The following DPYSL5 variants were observed in gnomAD, a reference collection of about 807,000 sequenced individuals.
The protein encoded by DPYSL5 is dihydropyrimidinase like 5.
Under a neutral mutation model 58.4 loss-of-function variants are expected in DPYSL5, and 9 were observed. The observed-to-expected ratio is 0.15, with a 90% CI of 0.09 to 0.27. The LOEUF is 0.27. Among genes scored for constraint, DPYSL5 ranks in the 10% least tolerant of loss-of-function variants. The probability of loss-of-function intolerance (pLI) is 1.00; values close to 1 mark genes in which losing one functional copy is unlikely to be tolerated. For synonymous variants in DPYSL5, 293 were observed against 301.9 expected, an observed-to-expected ratio of 0.97 and a Z score of 0.31; for missense variants, 499 against 770.6, an observed-to-expected ratio of 0.65 and a Z score of 4.17.
At chr2:26,902,272 T>A (rs895349094) in intron 2 of DPYSL5, among the ~76,000 whole-genome samples, 1 of 151,866 alleles carries the variant, frequency 6.6e-6, no homozygotes, top group African/African-American at 2.4e-5. Context: ...TTATTCTGCT[T>A]AAGTAGATGT....
At chr2:26,875,008 ATGT>A (rs1366607631) in intron 1 of DPYSL5, among the ~76,000 whole-genome samples, 4 of 152,218 alleles carry the variant, frequency 2.6e-5, no homozygotes, top group African/African-American at 9.6e-5. Flanking sequence ...TCTTTCAACA[ATGT>A]TGTAGAGTTT....
At position 26,947,104 on chromosome 2, in the gene DPYSL5, A is replaced by T. The variant is rs1665510076; in HGVS notation, c.*109A>T. 3.0e-6 allele frequency: 3 copies of T among 992,282 alleles called. No individual in the cohort carries two copies. The highest frequency in any genetic ancestry group is 4.5e-6 in the Non-Finnish European group (3 of 660,140). 61.5% of individuals were successfully genotyped at this position (992,282 alleles called of 1,614,324 possible). On this transcript the variant is annotated 3_prime_UTR_variant, in exon 13 of 13. Coordinates refer to ENST00000288699, the MANE Select transcript of DPYSL5 (RefSeq NM_020134.4). The surrounding 1 kb of genome is among the most constrained non-coding windows in gnomAD (Gnocchi z 4.2). ...GCTGGGCTGGGTGGCACACCACCCG[A>T]GGGGGGCCCCGGGACCCACGGAGCC...
chr2:26,895,592 C>CAT (rs1319215285), intron 1 of DPYSL5, among the ~76,000 whole-genome samples: 1 of 151,928 alleles, frequency 6.6e-6, no homozygotes, highest in Non-Finnish European at 1.5e-5. Context: ...ACTTGATAGC[C>CAT]ATACTCAAAG....
At chr2:26,876,552 G>A (rs541019152) in intron 1 of DPYSL5, among the ~76,000 whole-genome samples, 53 of 152,202 alleles carry the variant, frequency 3.5e-4, no homozygotes, top group African/African-American at 1.1e-3. Flanking sequence ...AGTTTTGCTC[G>A]TCACCCAGGC....
intron 2 of DPYSL5, among the ~76,000 whole-genome samples, chr2:26,900,989 A>G (rs1214596288): frequency 6.6e-6 from 1 of 152,140 alleles, no homozygotes; most frequent in East Asian, 1.9e-4. Context: ...AGCTCTTTAC[A>G]GCTGATGAAG....
chr2:26,941,805 G>A, intron 9 of DPYSL5, 145 bp from the exon 10 acceptor site: 4 of 1,086,510 alleles, frequency 3.7e-6, no homozygotes, highest in Non-Finnish European at 5.3e-6. Context: ...TGGCTCATCT[G>A]AGATGGTGCT....
rs1665539204 is a variant in DPYSL5 at position 26,948,133 on chromosome 2, C to G, written c.*1138C>G. ...CACGCACGGCTTCCTATAACTTCTT[C>G]CTGCTGGACAGAGACTCAGCGCTCC... On this transcript the variant is annotated 3_prime_UTR_variant, in exon 13 of 13. Transcript: ENST00000288699. 3 of 151,472 alleles carry G rather than the reference C, an allele frequency of 2.0e-5. No homozygotes were observed. The highest frequency in any genetic ancestry group is 7.5e-5 in the African/African-American group (3 of 39,758). The allele number at this position is 151,472 out of a possible 1,614,324, so 9.4% of individuals were successfully genotyped here. A position where few individuals can be genotyped will look rare whatever the true frequency, so the allele number is the denominator to read the frequency against.
At chr2:26,888,255 T>TTCTGTCTG (rs1553316478) in intron 1 of DPYSL5, among the ~76,000 whole-genome samples, 2 of 108,188 alleles carry the variant, frequency 1.8e-5, no homozygotes, top group African/African-American at 9.2e-5. Context: ...CTTTCTTTCT[T>TTCTGTCTG]TCTTTCTTTC....
At chr2:26,855,143 G>A (rs1445802900) in intron 1 of DPYSL5, among the ~76,000 whole-genome samples, 3 of 151,266 alleles carry the variant, frequency 2.0e-5, no homozygotes, top group African/African-American at 7.3e-5. Context: ...AAATCATCTG[G>A]CCCATGCTGG....
intron 1 of DPYSL5, among the ~76,000 whole-genome samples, chr2:26,884,050 T>G (rs1487875518): frequency 6.6e-6 from 1 of 152,180 alleles, no homozygotes; most frequent in Non-Finnish European, 1.5e-5. Context: ...ACCCTTGAGC[T>G]GCAGCTGCCA....
intron 1 of DPYSL5, among the ~76,000 whole-genome samples, chr2:26,868,315 C>T (rs1292289183): frequency 6.6e-6 from 1 of 151,998 alleles, no homozygotes; most frequent in South Asian, 2.1e-4. Flanking sequence ...TCTTTCATTT[C>T]TTGATAAAAA....
chr2:26,923,340 C>T (rs1286765796), intron 2 of DPYSL5, among the ~76,000 whole-genome samples: 1 of 152,144 alleles, frequency 6.6e-6, no homozygotes, highest in Non-Finnish European at 1.5e-5. Flanking sequence ...CAAACAAAAA[C>T]AAAAACCTAA....
At chr2:26,935,566 G>A (rs1221978661) in intron 8 of DPYSL5, among the ~76,000 whole-genome samples, 3 of 151,832 alleles carry the variant, frequency 2.0e-5, no homozygotes, top group African/African-American at 7.3e-5. Context: ...GTGTGTGCCT[G>A]TAATCCCAGC....
At chr2:26,864,987 C>T (rs909417719) in intron 1 of DPYSL5, among the ~76,000 whole-genome samples, 1 of 152,170 alleles carries the variant, frequency 6.6e-6, no homozygotes, top group African/African-American at 2.4e-5. Flanking sequence ...TCACAGACCC[C>T]CTCGTTGCCC....
intron 2 of DPYSL5, among the ~76,000 whole-genome samples, chr2:26,901,475 C>T (rs769542006): frequency 2.6e-5 from 4 of 152,038 alleles, no homozygotes; most frequent in Admixed American, 6.6e-5. Flanking sequence ...AAATCTCCCG[C>T]GGAGAGTAAA....
rs1388617345 is a variant in DPYSL5 at position 26,941,962 on chromosome 2, A to G, written c.1102A>G (p.Met368Val). ...TGCAACATTTCAGGTTGGAGGAAAG[A>G]TGGATGAGAACCGTTTTGTGGCCGT... ...IWERGVVGGK[M>V]DENRFVAVTS... The change falls in exon 10 of 13, where the codon ATG becomes GTG. Residue 368 changes from methionine (M) to valine (V), a missense_variant. Met to Val is a conservative substitution (Grantham distance 21). Transcript: ENST00000288699. 3.1e-6 allele frequency: 5 copies of G among 1,614,158 alleles called. No individual in the cohort carries two copies. Among genetic ancestry groups the G allele is most frequent in the Non-Finnish European group, 4.2e-6 (5 of 1,180,046 alleles).
chr2:26,896,175 CTGA>C (rs1374655198), intron 1 of DPYSL5, among the ~76,000 whole-genome samples: 5 of 152,110 alleles, frequency 3.3e-5, no homozygotes, highest in Non-Finnish European at 7.3e-5. Flanking sequence ...TTTACTTAAC[CTGA>C]TGTTCTCCAG....
At chr2:26,895,839 G>A (rs962125407) in intron 1 of DPYSL5, among the ~76,000 whole-genome samples, 4 of 143,216 alleles carry the variant, frequency 2.8e-5, no homozygotes, top group Non-Finnish European at 6.0e-5. Flanking sequence ...GAAGGGCAGT[G>A]GCATGATCTC....
Position 26,946,869 on chromosome 2 carries a change from C to T in DPYSL5, c.1610-41C>T, listed in dbSNP as rs370248770. ...AGGGTGTCTGTGGTTTGTTAGCAGG[C>T]ACAAGAGCCCGTCTCACCCTCTGTG... On this transcript the variant is annotated intron_variant, in intron 12 of 12. Transcript: ENST00000288699. 3.9e-6 allele frequency: 6 copies of T among 1,551,494 alleles called. No homozygotes were observed. In the African/African-American group the frequency reaches 8.1e-5, roughly 21 times the overall value.
Sources: gnomAD v4.1 joint callset for allele counts (sites outside exome capture counted in the v4.1 genomes callset) on GRCh38, gnomAD v4.1.1 for gene constraint, Gnocchi (gnomAD v3.1) non-coding constraint, MANE v1.5 for transcripts, NCBI Gene and HGNC (gene_info 2026-07-23, HGNC 2026-07-21) for gene names.